LINGO2: variants seen among roughly 807,000 people sequenced by gnomAD.
The protein encoded by LINGO2 is leucine rich repeat and Ig domain containing 2, also known as leucine-rich repeat and immunoglobulin-like domain-containing nogo receptor-interacting protein 2.
A neutral mutation model predicts 30.6 loss-of-function variants in LINGO2; 14 were observed. That is an observed-to-expected ratio of 0.46 (90% CI 0.30 to 0.72). The LOEUF (loss-of-function observed/expected upper bound fraction) is 0.72, where lower values mean the gene tolerates loss of function less well. LINGO2 is among the 30% of genes least tolerant of loss of function. The pLI is 0.07. For missense variants in LINGO2, 729 were observed against 751.7 expected (o/e 0.97, Z 0.35); for synonymous variants, 317 against 288.5 (o/e 1.10, Z -1.00).
chr9:28,161,480 C>T (rs777018874), intron 4 of LINGO2, among the ~76,000 whole-genome samples: 2 of 151,724 alleles, frequency 1.3e-5, no homozygotes, highest in African/African-American at 4.8e-5. Flanking sequence ...TTAAACACAA[C>T]CTTATTAAAA....
At chr9:29,058,472 G>A in the LINGO2 span, among the ~76,000 whole-genome samples, 2 of 151,872 alleles carry the variant, frequency 1.3e-5, no homozygotes, top group Non-Finnish European at 2.9e-5. Context: ...AGTGACCTAT[G>A]GGAAAACATC....
chr9:28,294,113 T>C (rs1823839152), intron 4 of LINGO2, among the ~76,000 whole-genome samples: 1 of 152,236 alleles, frequency 6.6e-6, no homozygotes, highest in Non-Finnish European at 1.5e-5. Flanking sequence ...CATGATATCA[T>C]CTTATATGCA....
At chr9:28,740,544 C>T in the LINGO2 span, among the ~76,000 whole-genome samples, 1 of 150,066 alleles carries the variant, frequency 6.7e-6, no homozygotes, top group Admixed American at 6.8e-5. Flanking sequence ...TTAAAATCTA[C>T]CATTTTGCTT....
chr9:28,556,292 G>A (rs1489834835), intron 1 of LINGO2, among the ~76,000 whole-genome samples: 1 of 152,074 alleles, frequency 6.6e-6, no homozygotes, highest in East Asian at 1.9e-4. Flanking sequence ...AGCAACTTCA[G>A]CAAAGTCTCA....
the LINGO2 span, among the ~76,000 whole-genome samples, chr9:28,897,195 A>G: frequency 2.7e-4 from 41 of 152,298 alleles, no homozygotes; most frequent in African/African-American, 7.2e-4. Context: ...TCAGCGTCCA[A>G]TGAAACTCAT....
At chr9:28,072,263 A>G (rs1000867259) in intron 4 of LINGO2, among the ~76,000 whole-genome samples, 1 of 152,210 alleles carries the variant, frequency 6.6e-6, no homozygotes, top group Non-Finnish European at 1.5e-5. Context: ...CTGCATTCTG[A>G]GACCTGTCCT....
At chr9:28,914,447 C>A in the LINGO2 span, among the ~76,000 whole-genome samples, 1 of 152,028 alleles carries the variant, frequency 6.6e-6, no homozygotes, top group Admixed American at 6.6e-5. Flanking sequence ...ATATTTAGAC[C>A]ATTTTCTTAT....
chr9:29,169,379 C>T, the LINGO2 span, among the ~76,000 whole-genome samples: 6 of 152,054 alleles, frequency 3.9e-5, no homozygotes, highest in African/African-American at 1.2e-4. Context: ...ACTGTCAATA[C>T]ATCTGACAAA....
chr9:28,795,653 A>AAAT, the LINGO2 span, among the ~76,000 whole-genome samples: 1 of 151,822 alleles, frequency 6.6e-6, no homozygotes, highest in East Asian at 1.9e-4. Context: ...TACGAAGGTA[A>AAAT]AATATAAAGA....
At chr9:28,283,756 C>T (rs965438774) in intron 4 of LINGO2, among the ~76,000 whole-genome samples, 1 of 151,864 alleles carries the variant, frequency 6.6e-6, no homozygotes, top group Non-Finnish European at 1.5e-5. Flanking sequence ...GTATAAAATA[C>T]CTGTATTAAG....
chr9:29,198,491 T>C, the LINGO2 span, among the ~76,000 whole-genome samples: 2 of 152,154 alleles, frequency 1.3e-5, no homozygotes, highest in African/African-American at 4.8e-5. Flanking sequence ...TTCAGAAGCT[T>C]ATGTGTATAC....
intron 2 of LINGO2, among the ~76,000 whole-genome samples, chr9:28,375,460 G>A (rs1821093396): frequency 6.6e-6 from 1 of 152,196 alleles, no homozygotes. Flanking sequence ...CCTACAGAGT[G>A]TCTGAAAGGT....
At chr9:28,711,720 T>C in the LINGO2 span, among the ~76,000 whole-genome samples, 1 of 152,146 alleles carries the variant, frequency 6.6e-6, no homozygotes, top group Non-Finnish European at 1.5e-5. Context: ...TTAAGTATTG[T>C]AATACTTAAT....
At chr9:28,911,055 A>C in the LINGO2 span, among the ~76,000 whole-genome samples, 1 of 152,038 alleles carries the variant, frequency 6.6e-6, no homozygotes, top group Non-Finnish European at 1.5e-5. Flanking sequence ...ACTTAGCCAG[A>C]GGGAAGTGAA....
chr9:28,561,050 C>A (rs113004029), intron 1 of LINGO2, among the ~76,000 whole-genome samples: 13 of 151,982 alleles, frequency 8.6e-5, no homozygotes, highest in African/African-American at 3.1e-4. Flanking sequence ...TTTTTCCAAA[C>A]AAAATTGCCA....
At chr9:28,271,605 G>T (rs926995876) in intron 4 of LINGO2, among the ~76,000 whole-genome samples, 1 of 152,104 alleles carries the variant, frequency 6.6e-6, no homozygotes, top group African/African-American at 2.4e-5. Context: ...ATCTGAATTG[G>T]AAATCTACCA....
chr9:28,096,917 C>T (rs535665298), intron 4 of LINGO2, among the ~76,000 whole-genome samples: 3 of 152,134 alleles, frequency 2.0e-5, no homozygotes, highest in African/African-American at 7.2e-5. Context: ...TAATAGTTTA[C>T]TGACCTGTTC....
At chr9:28,310,859 C>G (rs752141665) in intron 3 of LINGO2, among the ~76,000 whole-genome samples, 1 of 152,190 alleles carries the variant, frequency 6.6e-6, no homozygotes, top group East Asian at 1.9e-4. Flanking sequence ...CCAATCTGAT[C>G]GAGAACAAAA....
chr9:28,377,095 A>T (rs1821159771), intron 2 of LINGO2, among the ~76,000 whole-genome samples: 1 of 151,272 alleles, frequency 6.6e-6, no homozygotes, highest in Non-Finnish European at 1.5e-5. Flanking sequence ...TTATATTAAA[A>T]TACAGTTGAC....
Sources: gnomAD v4.1 joint callset for allele counts (sites outside exome capture counted in the v4.1 genomes callset) on GRCh38, gnomAD v4.1.1 for gene constraint, MANE v1.5 for transcripts, NCBI Gene and HGNC (gene_info 2026-07-23, HGNC 2026-07-21) for gene names.